The following SLC26A4 variants were observed in gnomAD, a reference collection of about 807,000 sequenced individuals.
The protein encoded by SLC26A4 is solute carrier family 26 member 4.
In SLC26A4, 93 loss-of-function variants were observed where a neutral mutation model predicts 90.4. The observed-to-expected ratio is 1.03, with a 90% CI of 0.87 to 1.22. The LOEUF (loss-of-function observed/expected upper bound fraction) is 1.22, where lower values mean the gene tolerates loss of function less well. Among genes scored for constraint, SLC26A4 ranks in the 50% most tolerant of loss-of-function variants. The probability of loss-of-function intolerance (pLI) is 0.00; values close to 1 mark genes in which losing one functional copy is unlikely to be tolerated. For missense variants in SLC26A4, 1,127 were observed against 946.2 expected, an observed-to-expected ratio of 1.19 and a Z score of -2.51; for synonymous variants, 393 against 354.6, an observed-to-expected ratio of 1.11 and a Z score of -1.22.
rs758298100 is a variant in SLC26A4 at position 107,689,118 on chromosome 7, T to G, written c.1067T>G (p.Ile356Ser). 6.2e-7 allele frequency: 1 copy of G among 1,613,984 alleles called. No individual in the cohort carries two copies. The highest frequency in any genetic ancestry group is 8.5e-7 in the Non-Finnish European group (1 of 1,179,868). ...FSEMLAASFS[I>S]AVVAYAIAVS... is the part of the protein sequence containing the mutation. ...GAGATGCTGGCTGCATCATTTTCCATCGCTGTGGTGGCTTATGCTATTGCA... is the reference window on the plus strand; with the variant it reads ...GAGATGCTGGCTGCATCATTTTCCAGCGCTGTGGTGGCTTATGCTATTGCA... The change falls in exon 9 of 21, where the codon ATC (isoleucine) becomes AGC (serine). Residue 356 changes from isoleucine to serine, a missense_variant. Transcript: ENST00000644269.
At chr7:107,680,374 TATA>T (rs1385353489) in intron 6 of SLC26A4, among the ~76,000 whole-genome samples, 2 of 143,256 alleles carry the variant, frequency 1.4e-5, no homozygotes, top group Non-Finnish European at 3.0e-5. Context: ...TATCTTATTA[TATA>T]ATGTTATATT....
chr7:107,670,872 A>G (rs945610996), intron 3 of SLC26A4, among the ~76,000 whole-genome samples: 4 of 152,180 alleles, frequency 2.6e-5, no homozygotes, highest in Non-Finnish European at 5.9e-5. Flanking sequence ...TCTAACCCTC[A>G]TGTAAACTAG....
intron 5 of SLC26A4, 30 bp from the exon 6 acceptor site, chr7:107,674,915 T>C: frequency 2.5e-6 from 4 of 1,608,952 alleles, no homozygotes; most frequent in Non-Finnish European, 3.4e-6. Context: ...AGGCAAACAT[T>C]TAATTTTTCT....
intron 10 of SLC26A4, chr7:107,693,458 T>C: frequency 7.1e-6 from 7 of 985,446 alleles, no homozygotes; most frequent in Non-Finnish European, 8.4e-6. Flanking sequence ...CCTTTTGCAC[T>C]AGACAGTACT....
chr7:107,708,445 T>C (rs112800825), intron 18 of SLC26A4, among the ~76,000 whole-genome samples: 3,789 of 152,326 alleles, frequency 0.025, 154 homozygotes, highest in African/African-American at 0.086. Context: ...AAATTTCTTC[T>C]CACATCTTTC....
At chr7:107,714,885 G>A (rs1348568241) in intron 20 of SLC26A4, among the ~76,000 whole-genome samples, 1 of 152,002 alleles carries the variant, frequency 6.6e-6, no homozygotes, top group Non-Finnish European at 1.5e-5. Context: ...CATAGTAAGT[G>A]CTCAATAAAT....
chr7:107,693,793 TC>T, intron 10 of SLC26A4: 6 of 811,316 alleles, frequency 7.4e-6, no homozygotes, highest in Non-Finnish European at 9.0e-6. Flanking sequence ...TGAGCCTGCC[TC>T]CGTGGAACTG....
intron 4 of SLC26A4, among the ~76,000 whole-genome samples, chr7:107,672,592 G>T (rs1790903653): frequency 6.6e-6 from 1 of 151,752 alleles, no homozygotes; most frequent in Non-Finnish European, 1.5e-5. Flanking sequence ...TCCATTTTTG[G>T]AGTCATAATG....
In SLC26A4 at chr7:107,661,869, A is replaced by C; in HGVS notation, c.164+64A>C. 1 of 1,491,834 alleles carries C rather than the reference A, an allele frequency of 6.7e-7. No homozygotes were observed. 92.4% of individuals were successfully genotyped at this position (1,491,834 alleles called of 1,614,324 possible). ...GGGGCGTCCACGCCTTGGGGAGGGA[A>C]GGGCGTCCCCAGCGGGCGAGAGTGG... On this transcript the variant is annotated intron_variant, in intron 2 of 20. Coordinates refer to ENST00000644269, the MANE Select transcript of SLC26A4 (RefSeq NM_000441.2). The surrounding 1 kb of genome is among the most constrained non-coding windows in gnomAD (Gnocchi z 5.1).
Position 107,661,858 on chromosome 7 carries a change from T to C in SLC26A4, c.164+53T>C, listed in dbSNP as rs1372359055. On this transcript the variant is annotated intron_variant, in intron 2 of 20. Transcript: ENST00000644269. The surrounding 1 kb of genome is among the most constrained non-coding windows in gnomAD (Gnocchi z 5.1). ...AGAAGCGGAGCGGGGCGTCCACGCC[T>C]TGGGGAGGGAAGGGCGTCCCCAGCG... is the stretch of plus-strand genomic sequence containing the variant. 2.0e-6 allele frequency: 3 copies of C among 1,510,310 alleles called. No homozygotes were observed. In the Admixed American group the frequency reaches 6.0e-5, roughly 30 times the overall value. The allele number at this position is 1,510,310 out of a possible 1,614,324, so 93.6% of individuals were successfully genotyped here.
Position 107,661,288 on chromosome 7 carries a change from G to A in SLC26A4, c.-3-351G>A, listed in dbSNP as rs1221772355. ...CCCCTGCCCCAGCCCCTCGGTTTGG[G>A]GGAGATTTCAGAACGCGGACAGCGC... is the stretch of plus-strand genomic sequence containing the variant. On this transcript the variant is annotated intron_variant, in intron 1 of 20. Transcript: ENST00000644269. The surrounding 1 kb of genome is among the most constrained non-coding windows in gnomAD (Gnocchi z 5.1). The A allele has an allele frequency of 1.2e-4, 47 of 389,340 alleles. No homozygotes were observed. The East Asian group carries it at 2.3e-3, about 19-fold the overall frequency. 24.1% of individuals were successfully genotyped at this position (389,340 alleles called of 1,614,324 possible).
chr7:107,668,520 T>C lies in SLC26A4; in HGVS notation c.305-3618T>C, dbSNP rs142165232. On this transcript the variant is annotated intron_variant, in intron 3 of 20. Transcript: ENST00000644269. ...AACCACTGGCTGAGCAGCTGAGTAGTAGAACAACTCCGAGAAGACCAGCTC... is the reference window on the plus strand; with the variant it reads ...AACCACTGGCTGAGCAGCTGAGTAGCAGAACAACTCCGAGAAGACCAGCTC... 1.9e-3 allele frequency among the ~76,000 whole-genome samples: 290 copies of C among 152,234 alleles called. 1 individual carries two copies. Among genetic ancestry groups the C allele is most frequent in the Non-Finnish European group, 3.4e-3 (233 of 68,020 alleles).
intron 19 of SLC26A4, among the ~76,000 whole-genome samples, chr7:107,711,965 A>C (rs1792202972): frequency 6.6e-6 from 1 of 152,208 alleles, no homozygotes; most frequent in Admixed American, 6.5e-5. Flanking sequence ...TGCTTTGAAA[A>C]TGTCCTTTTC....
intron 8 of SLC26A4, among the ~76,000 whole-genome samples, chr7:107,686,309 C>CTACCTGCA (rs1791403069): frequency 7.0e-6 from 1 of 143,618 alleles, no homozygotes; most frequent in African/African-American, 2.6e-5. Context: ...CCCTCCCTTC[C>CTACCTGCA]CTCCCTTCCC....
At chr7:107,712,473 C>T in intron 19 of SLC26A4, 66 bp from the exon 20 acceptor site, 1 of 827,420 alleles carries the variant, frequency 1.2e-6, no homozygotes, top group Non-Finnish European at 2.2e-6. Context: ...AGCTTCAAAT[C>T]ATTTTCAGTG....
chr7:107,687,078 C>T (rs369069021), intron 8 of SLC26A4, among the ~76,000 whole-genome samples: 8 of 152,144 alleles, frequency 5.3e-5, no homozygotes, highest in South Asian at 2.1e-4. Flanking sequence ...CTGTTTATGA[C>T]GCTGGCCTGT....
intron 14 of SLC26A4, 127 bp downstream of exon 14, chr7:107,698,238 G>T: frequency 1.4e-6 from 1 of 725,044 alleles, no homozygotes; most frequent in South Asian, 1.5e-5. Context: ...AGTCCACAGG[G>T]AGTGTCATGA....
Position 107,694,345 on chromosome 7 carries a change from G to A in SLC26A4, c.1264-58G>A, listed in dbSNP as rs753456377. ...GCTGTCTCATACACACATCCAGTGA[G>A]CTGGAAGACACAAGGGAGAAGGACG... On this transcript the variant is annotated intron_variant, in intron 10 of 20. Coordinates refer to ENST00000644269, the MANE Select transcript of SLC26A4 (RefSeq NM_000441.2). The A allele has an allele frequency of 9.9e-6, 13 of 1,316,320 alleles. No individual in the cohort carries two copies. The East Asian group carries it at 2.8e-4, about 28-fold the overall frequency. The allele number at this position is 1,316,320 out of a possible 1,614,324, so 81.5% of individuals were successfully genotyped here.
rs757528850 is a variant in SLC26A4, at chr7:107,701,910, C to A, written c.1887C>A (p.Ile629=). The A allele has an allele frequency of 1.2e-6, 2 of 1,613,122 alleles. No individual in the cohort carries two copies. Among genetic ancestry groups the A allele is most frequent in the Admixed American group, 3.3e-5 (2 of 60,014 alleles). The change falls in exon 17 of 21, where the codon ATC becomes ATA. Residue 629 remains isoleucine (I), a synonymous_variant. Coordinates refer to ENST00000644269, the MANE Select transcript of SLC26A4 (RefSeq NM_000441.2). ...TTGAAGATCTGGAGGAACTTGATAT[C>A]CCAACCAAGGAAATAGAGATTCAAG... ...EDIEDLEELD[I]PTKEIEIQVD... is the part of the protein sequence containing the mutation.
Sources: allele counts gnomAD v4.1 joint callset (sites outside exome capture counted in the v4.1 genomes callset), GRCh38; gene constraint gnomAD v4.1.1; non-coding constraint Gnocchi (gnomAD v3.1); transcripts MANE v1.5; gene names NCBI Gene and HGNC (gene_info 2026-07-23, HGNC 2026-07-21).